The following TAF8 variants were observed in gnomAD, a reference collection of about 807,000 sequenced individuals.
The protein encoded by TAF8 is TATA-box binding protein associated factor 8, also known as transcription initiation factor TFIID subunit 8.
A neutral mutation model predicts 36.5 loss-of-function variants in TAF8; 47 were observed. That is an observed-to-expected ratio of 1.29 (90% confidence interval 1.02 to 1.64). The LOEUF is 1.64. Ranked by LOEUF, TAF8 falls within the 40% of genes most tolerant of loss-of-function variation. The pLI is 0.00. For synonymous variants in TAF8, 175 were observed against 159.5 expected (o/e 1.10, Z -0.73); for missense variants, 420 against 407.6 (o/e 1.03, Z -0.26).
Position 42,055,034 on chromosome 6 carries a change from A to G in TAF8, c.203-497A>G, listed in dbSNP as rs1193359435. Among the ~76,000 whole-genome samples, 3 of 149,240 alleles carry G rather than the reference A, an allele frequency of 2.0e-5. No individual in the cohort carries two copies. The Admixed American group carries it at 2.0e-4, about 10-fold the overall frequency. ...AACCTCCTCCTTCCAGGTTCAAGCT[A>G]TTTCTCAGCCTCCCAAGTGGCTAGG... On this transcript the variant is annotated intron_variant, in intron 2 of 8. Transcript: ENST00000372977.
At chr6:42,084,588 G>A (rs1333306299), downstream of TAF8, among the ~76,000 whole-genome samples, 6 of 150,274 alleles carry the variant, frequency 4.0e-5, no homozygotes, top group Non-Finnish European at 7.4e-5. Context: ...TCAGCCTCCC[G>A]AGTAGCTGGG....
rs559690212 is a variant in TAF8 at position 42,050,620 on chromosome 6, G to A, written c.45+34G>A. On this transcript the variant is annotated intron_variant, in intron 1 of 8. Coordinates refer to ENST00000372977, the MANE Select transcript of TAF8 (RefSeq NM_138572.3). ...AGGAAGCGCGGGCTCGGAGCCGAGA[G>A]AGTTTGGGTATCCTGCAACTTTCCC... The A allele has an allele frequency of 1.5e-5, 23 of 1,536,510 alleles. No homozygotes were observed. The East Asian group carries it at 5.4e-4, about 36-fold the overall frequency.
chr6:42,064,277 G>A (rs1765281772), intron 5 of TAF8, among the ~76,000 whole-genome samples: 1 of 151,586 alleles, frequency 6.6e-6, no homozygotes, highest in African/African-American at 2.4e-5. Flanking sequence ...GGGGTGGACA[G>A]AGTCTCGCTC....
chr6:42,051,079 T>C (rs1271726457), intron 1 of TAF8: 3 of 1,121,082 alleles, frequency 2.7e-6, no homozygotes, highest in Non-Finnish European at 3.3e-6. Flanking sequence ...TCTTCAGCTA[T>C]GTATTCTAAT....
chr6:42,079,113 C>T lies in TAF8; in HGVS notation c.*1568C>T, dbSNP rs1236144114. 1 of 960,728 alleles carries T rather than the reference C, an allele frequency of 1.0e-6. No homozygotes were observed. Among genetic ancestry groups the T allele is most frequent in the Non-Finnish European group, 1.2e-6 (1 of 807,720 alleles). The allele number at this position is 960,728 out of a possible 1,614,324, so 59.5% of individuals were successfully genotyped here. On this transcript the variant is annotated 3_prime_UTR_variant, in exon 9 of 9. Transcript: ENST00000372977. ...CTCCAGCCTGGGTGACAGAGCGAGA[C>T]TCCATTTCAAAAAAATAAAAAAAGG...
chr6:42,067,106 C>T (rs1765392465), intron 6 of TAF8, among the ~76,000 whole-genome samples: 1 of 152,200 alleles, frequency 6.6e-6, no homozygotes, highest in African/African-American at 2.4e-5. Context: ...CAATGAGGCA[C>T]AAGAGAAGAG....
At chr6:42,070,028 T>C (rs1327337669) in intron 7 of TAF8, among the ~76,000 whole-genome samples, 1 of 152,136 alleles carries the variant, frequency 6.6e-6, no homozygotes, top group East Asian at 1.9e-4. Context: ...GCAGTGTGGA[T>C]GTCATTTGTG....
At chr6:42,083,873 T>C (rs954232993), downstream of TAF8, among the ~76,000 whole-genome samples, 5 of 151,764 alleles carry the variant, frequency 3.3e-5, no homozygotes, top group Non-Finnish European at 7.4e-5. Context: ...AAGGGCTGAG[T>C]GTGGCAGTGA....
intron 5 of TAF8, among the ~76,000 whole-genome samples, chr6:42,059,748 A>G (rs1162969996): frequency 2.0e-5 from 3 of 152,218 alleles, no homozygotes; most frequent in Non-Finnish European, 2.9e-5. Flanking sequence ...TCCGCCCAGG[A>G]ATGAACAAGG....
downstream of TAF8, among the ~76,000 whole-genome samples, chr6:42,084,549 G>A (rs985212641): frequency 1.4e-4 from 21 of 152,114 alleles, no homozygotes; most frequent in South Asian, 2.7e-3. Flanking sequence ...TGCAACCTCC[G>A]CCTCCTGGGT....
At chr6:42,084,461 A>G (rs2127468747), downstream of TAF8, among the ~76,000 whole-genome samples, 1 of 151,976 alleles carries the variant, frequency 6.6e-6, no homozygotes, top group East Asian at 1.9e-4. Flanking sequence ...TTTTTTTGAG[A>G]CGGAATCTCA....
At position 42,064,956 on chromosome 6, in the gene TAF8, C is replaced by CAA. The variant is rs59214523; in HGVS notation, c.490-1335_490-1334dup. Among the ~76,000 whole-genome samples, 155 of 73,586 alleles carry CAA rather than the reference C, an allele frequency of 2.1e-3. 2 individuals are homozygous for CAA. The highest frequency in any genetic ancestry group is 4.0e-3 in the African/African-American group (69 of 17,274). 48.3% of individuals were successfully genotyped at this position (73,586 alleles called of 152,430 possible). ...TGGGTGACAGAGCAAGACTCTGTCT[C>CAA]AAAAAAAAAAAAAAAAAAAAAATGG... On this transcript the variant is annotated intron_variant, in intron 5 of 8. Coordinates refer to ENST00000372977, the MANE Select transcript of TAF8 (RefSeq NM_138572.3).
At chr6:42,056,066 GA>G (rs1764977137) in intron 4 of TAF8, 52 bp downstream of exon 4, 1 of 1,197,484 alleles carries the variant, frequency 8.4e-7, no homozygotes, top group African/African-American at 1.5e-5. Context: ...AATGCTTGTG[GA>G]ATGAAGTAAT....
chr6:42,053,022 T>G (rs1764851321), intron 2 of TAF8, among the ~76,000 whole-genome samples: 1 of 152,208 alleles, frequency 6.6e-6, no homozygotes. Flanking sequence ...AAATACCAAA[T>G]GTTTTCCTAA....
rs536653018 is a variant in TAF8, at chr6:42,072,891, T to G, written c.781-4209T>G. Among the ~76,000 whole-genome samples the G allele has an allele frequency of 1.1e-4, 17 of 151,838 alleles. No individual in the cohort carries two copies. In the South Asian group the frequency reaches 3.5e-3, roughly 32 times the overall value. On this transcript the variant is annotated intron_variant, in intron 7 of 8. Transcript: ENST00000372977. ...GCGCCCGCCACCACGCCCGGCTAAT[T>G]TTTTTGTATTTTTAGTAGAGGCGGG... is the stretch of plus-strand genomic sequence containing the variant.
At chr6:42,056,184 A>G in intron 4 of TAF8, 170 bp downstream of exon 4, 1 of 561,498 alleles carries the variant, frequency 1.8e-6, no homozygotes, top group South Asian at 2.1e-5. Context: ...TCTGATTAGC[A>G]TGTGAAATTC....
intron 7 of TAF8, among the ~76,000 whole-genome samples, chr6:42,072,883 C>T (rs915621477): frequency 1.4e-4 from 21 of 152,084 alleles, no homozygotes; most frequent in Non-Finnish European, 2.2e-4. Flanking sequence ...CCACCACGCC[C>T]GGCTAATTTT....
At chr6:42,052,193 G>A (rs1212377638) in intron 2 of TAF8, among the ~76,000 whole-genome samples, 3 of 152,180 alleles carry the variant, frequency 2.0e-5, no homozygotes, top group African/African-American at 7.2e-5. Flanking sequence ...TTAAGCTCTT[G>A]GTGAGTTATG....
chr6:42,051,044 A>T, intron 1 of TAF8: 1 of 1,088,146 alleles, frequency 9.2e-7, no homozygotes, highest in South Asian at 3.4e-5. Context: ...TCTGCGGGAC[A>T]CGTCTTAATC....
Sources: gnomAD v4.1 joint callset for allele counts (sites outside exome capture counted in the v4.1 genomes callset) on GRCh38, gnomAD v4.1.1 for gene constraint, MANE v1.5 for transcripts, NCBI Gene and HGNC (gene_info 2026-07-23, HGNC 2026-07-21) for gene names.